KMT2C: variants seen among roughly 807,000 people sequenced by gnomAD.
KMT2C encodes lysine methyltransferase 2C.
Under a neutral mutation model 507.9 loss-of-function variants are expected in KMT2C, and 88 were observed. The observed-to-expected ratio is 0.17, with a 90% CI of 0.15 to 0.21. The LOEUF (loss-of-function observed/expected upper bound fraction) is 0.21, where lower values mean the gene tolerates loss of function less well. Among genes scored for constraint, KMT2C ranks in the 10% least tolerant of loss-of-function variants. The probability of loss-of-function intolerance (pLI) is 1.00; values close to 1 mark genes in which losing one functional copy is unlikely to be tolerated. For synonymous variants in KMT2C, 2,049 were observed against 2,080.8 expected (o/e 0.98, Z 0.42); for missense variants, 4,954 against 5,957.8 (o/e 0.83, Z 5.55).
rs774756124 is a variant in KMT2C at position 152,182,152 on chromosome 7, C to T, written c.5708G>A (p.Gly1903Asp). The part of the protein sequence containing the change: ...SPMDPYAKMV[G>D]TPRPPPVGHS... The stretch of plus-strand genomic sequence containing the variant: ...GCCCACAGGAGGTGGTCGAGGGGTA[C>T]CAACCATTTTTGCATATGGATCCAT... The change falls in exon 36 of 59, where the codon GGT becomes GAT. Residue 1903 changes from glycine to aspartate, a missense_variant. By Grantham distance (94) the Gly-to-Asp change is moderately conservative (BLOSUM62 -1). Coordinates refer to ENST00000262189, the MANE Select transcript of KMT2C (RefSeq NM_170606.3). 1.9e-6 allele frequency: 3 copies of T among 1,613,966 alleles called. No homozygotes were observed. The highest frequency in any genetic ancestry group is 2.2e-5 in the East Asian group (1 of 44,894).
At chr7:152,224,747 C>T in intron 18 of KMT2C, 131 bp from the exon 19 acceptor site, 1 of 657,284 alleles carries the variant, frequency 1.5e-6, no homozygotes, top group East Asian at 2.8e-5. Context: ...TTATTGAGCA[C>T]CTACGGAGGC....
chr7:152,203,162 C>T (rs2094196739), intron 25 of KMT2C, 98 bp from the exon 26 acceptor site: 1 of 875,710 alleles, frequency 1.1e-6, no homozygotes, highest in Non-Finnish European at 1.6e-6. Flanking sequence ...CACACAGTTT[C>T]ATATAAACAA....
intron 1 of KMT2C, among the ~76,000 whole-genome samples, chr7:152,413,807 C>A (rs2097705471): frequency 1.3e-5 from 2 of 150,088 alleles, no homozygotes; most frequent in African/African-American, 5.0e-5. Flanking sequence ...ATCGCTTGAA[C>A]CCAGGAGGCG....
At position 152,267,348 on chromosome 7, in the gene KMT2C, C is replaced by G. The variant is rs548519708; in HGVS notation, c.1013-2139G>C. ...CAATCTCAACTGCTCTAAAGTGAAA[C>G]TTTTTTAAAAACCCGAAACATCATC... On this transcript the variant is annotated intron_variant, in intron 7 of 58. Transcript: ENST00000262189. Among the ~76,000 whole-genome samples the G allele has an allele frequency of 4.6e-5, 7 of 152,136 alleles. No individual in the cohort carries two copies. The East Asian group carries it at 7.7e-4, about 17-fold the overall frequency.
At position 152,181,390 on chromosome 7, in the gene KMT2C, T is replaced by C; in HGVS notation, c.6470A>G (p.Asp2157Gly). The C allele has an allele frequency of 6.2e-7, 1 of 1,613,496 alleles. No individual in the cohort carries two copies. Among genetic ancestry groups the C allele is most frequent in the Non-Finnish European group, 8.5e-7 (1 of 1,179,918 alleles). The stretch of plus-strand genomic sequence containing the variant: ...AGTTCCAGGAGGTTGAGAGTAAGGG[T>C]CTGTATTGGACCTAGCTGTTCCTGA... ...QSSGTARSNTDPYSQPPGTPR... is the reference protein window; with the variant it reads ...QSSGTARSNTGPYSQPPGTPR... Residue 2157 changes from aspartate (D) to glycine (G), a missense_variant, in exon 36 of 59, where the codon GAC (aspartate) becomes GGC (glycine). Asp to Gly is a moderately conservative substitution (Grantham distance 94). Transcript: ENST00000262189.
At chr7:152,358,149 C>A (rs535879716) in intron 2 of KMT2C, among the ~76,000 whole-genome samples, 3 of 152,176 alleles carry the variant, frequency 2.0e-5, no homozygotes, top group Non-Finnish European at 4.4e-5. Context: ...GTCCAACAGA[C>A]CAGAAACTAT....
chr7:152,428,339 G>A (rs1011712549), intron 1 of KMT2C, among the ~76,000 whole-genome samples: 1 of 151,820 alleles, frequency 6.6e-6, no homozygotes, highest in Admixed American at 6.6e-5. Context: ...AGGGCTGGGT[G>A]CGGTGGCTCA....
chr7:152,307,507 G>C (rs1171825218), intron 6 of KMT2C, among the ~76,000 whole-genome samples: 2 of 152,070 alleles, frequency 1.3e-5, no homozygotes, highest in Admixed American at 1.3e-4. Context: ...ATTTGACAGA[G>C]TTACCACTAG....
At chr7:152,389,910 C>CT (rs1457681949) in intron 1 of KMT2C, among the ~76,000 whole-genome samples, 1 of 152,180 alleles carries the variant, frequency 6.6e-6, no homozygotes, top group Non-Finnish European at 1.5e-5. Flanking sequence ...ATGGATGGAG[C>CT]TGGAGGCTAC....
chr7:152,314,934 T>A (rs1160046015), intron 4 of KMT2C, among the ~76,000 whole-genome samples: 1 of 152,104 alleles, frequency 6.6e-6, no homozygotes, highest in Non-Finnish European at 1.5e-5. Flanking sequence ...ATAAACTTTT[T>A]AAAAAATAAC....
At chr7:152,167,673 T>C (rs1000578332) in intron 41 of KMT2C, among the ~76,000 whole-genome samples, 1 of 152,202 alleles carries the variant, frequency 6.6e-6, no homozygotes, top group Non-Finnish European at 1.5e-5. Context: ...TCTTTTTTTT[T>C]ACTAAACAAA....
chr7:152,150,009 C>T (rs2091473364), intron 51 of KMT2C, among the ~76,000 whole-genome samples: 1 of 152,174 alleles, frequency 6.6e-6, no homozygotes, highest in Admixed American at 6.5e-5. Flanking sequence ...AGGCATACTA[C>T]AAACAACTAC....
At chr7:152,165,885 T>A (rs779132686) in intron 42 of KMT2C, among the ~76,000 whole-genome samples, 18 of 152,000 alleles carry the variant, frequency 1.2e-4, no homozygotes, top group Non-Finnish European at 2.5e-4. Context: ...AGACGAGTTT[T>A]GCCACGTTGG....
At chr7:152,229,248 T>C (rs1451932894) in intron 18 of KMT2C, among the ~76,000 whole-genome samples, 1 of 152,146 alleles carries the variant, frequency 6.6e-6, no homozygotes, top group Non-Finnish European at 1.5e-5. Flanking sequence ...CCTCCATGCT[T>C]GCTTCCAGTG....
At chr7:152,339,536 A>T (rs2096970771) in intron 2 of KMT2C, among the ~76,000 whole-genome samples, 1 of 152,208 alleles carries the variant, frequency 6.6e-6, no homozygotes, top group Admixed American at 6.5e-5. Flanking sequence ...TTTTATTTCA[A>T]TGCAATTGTT....
At position 152,181,387 on chromosome 7, in the gene KMT2C, G is replaced by C; in HGVS notation, c.6473C>G (p.Pro2158Arg). Residue 2158 changes from proline to arginine, a missense_variant, in exon 36 of 59, where the codon CCT (proline) becomes CGT (arginine). Pro to Arg is a moderately radical substitution (Grantham distance 103). This residue lies in a region of KMT2C where 1,689 missense variants were observed against 1,654.3 expected (regional missense o/e 1.02). Coordinates refer to ENST00000262189, the MANE Select transcript of KMT2C (RefSeq NM_170606.3). ...SSGTARSNTD[P>R]YSQPPGTPRP... Reference sequence around the variant, plus strand: ...GGGAGTTCCAGGAGGTTGAGAGTAAGGGTCTGTATTGGACCTAGCTGTTCC... The same window carrying C: ...GGGAGTTCCAGGAGGTTGAGAGTAACGGTCTGTATTGGACCTAGCTGTTCC... 1 of 1,614,046 alleles carries C rather than the reference G, an allele frequency of 6.2e-7. No individual in the cohort carries two copies. Among genetic ancestry groups the C allele is most frequent in the Non-Finnish European group, 8.5e-7 (1 of 1,180,018 alleles).
At chr7:152,293,459 T>C (rs2096456623) in intron 6 of KMT2C, among the ~76,000 whole-genome samples, 1 of 152,234 alleles carries the variant, frequency 6.6e-6, no homozygotes, top group Non-Finnish European at 1.5e-5. Context: ...GGGTATGCAG[T>C]ATAAAATCAC....
intron 25 of KMT2C, among the ~76,000 whole-genome samples, chr7:152,204,636 T>TAGAC (rs71198765): frequency 0.022 from 2,846 of 127,394 alleles, 50 homozygotes; most frequent in East Asian, 0.055. Flanking sequence ...GATAGATAGA[T>TAGAC]AGACAGACAG....
chr7:152,364,684 CAAA>C (rs1423449307), intron 1 of KMT2C, among the ~76,000 whole-genome samples: 2 of 149,484 alleles, frequency 1.3e-5, no homozygotes, highest in African/African-American at 5.0e-5. Flanking sequence ...TTAGAAATGA[CAAA>C]AGAAGATCAT....
Sources: gnomAD v4.1 joint callset for allele counts (sites outside exome capture counted in the v4.1 genomes callset) on GRCh38, gnomAD v4.1.1 for gene constraint, gnomAD v4.1.1 regional missense constraint, MANE v1.5 for transcripts, NCBI Gene and HGNC (gene_info 2026-07-23, HGNC 2026-07-21) for gene names.